Variants in LYRM4 observed in about 807,000 individuals in gnomAD.
LYRM4 encodes LYR motif containing 4, also known as LYR motif-containing protein 4.
Under a neutral mutation model 11.7 loss-of-function variants are expected in LYRM4, and 9 were observed. That is an observed-to-expected ratio of 0.77 (90% CI 0.46 to 1.34). The LOEUF is 1.34. Ranked by LOEUF, LYRM4 falls within the 40% of genes most tolerant of loss-of-function variation. The probability of loss-of-function intolerance (pLI) is 0.00; values close to 1 mark genes in which losing one functional copy is unlikely to be tolerated. For missense variants in LYRM4, 133 were observed against 112.5 expected (o/e 1.18, Z -0.82); for synonymous variants, 42 against 40.4 (o/e 1.04, Z -0.15).
intron 2 of LYRM4, among the ~76,000 whole-genome samples, chr6:5,178,114 T>C (rs373198273): frequency 5.3e-5 from 8 of 152,314 alleles, no homozygotes; most frequent in East Asian, 3.9e-4. Context: ...CCCTGGTGTC[T>C]AGCAGAACAC....
chr6:5,035,051 T>C, the LYRM4 span, among the ~76,000 whole-genome samples: 38 of 152,112 alleles, frequency 2.5e-4, no homozygotes, highest in Admixed American at 2.4e-3. Flanking sequence ...TACTAGGATG[T>C]TGATAAACAA....
the LYRM4 span, among the ~76,000 whole-genome samples, chr6:5,037,936 G>A: frequency 1.9e-4 from 11 of 56,614 alleles, 4 homozygotes; most frequent in Admixed American, 9.3e-4. Flanking sequence ...CTGGCCGGGC[G>A]GGGGGCTGAC....
chr6:5,164,337 G>C (rs572799438), intron 2 of LYRM4, among the ~76,000 whole-genome samples: 5 of 152,206 alleles, frequency 3.3e-5, no homozygotes. Flanking sequence ...ATAGTAAAAA[G>C]AATGAATACA....
intron 2 of LYRM4, among the ~76,000 whole-genome samples, chr6:5,138,168 T>G (rs1757196487): frequency 6.6e-6 from 1 of 152,096 alleles, no homozygotes; most frequent in Admixed American, 6.6e-5. Context: ...AGAAGACATT[T>G]CTGCCAAGAT....
At chr6:5,136,099 G>A (rs2127618256) in intron 2 of LYRM4, 1 of 174,248 alleles carries the variant, frequency 5.7e-6, no homozygotes, top group South Asian at 1.9e-4. Flanking sequence ...CTTTAGGGCT[G>A]AGTAACATTC....
At chr6:5,220,348 G>A (rs1304346688) in intron 1 of LYRM4, among the ~76,000 whole-genome samples, 5 of 152,148 alleles carry the variant, frequency 3.3e-5, no homozygotes, top group Admixed American at 3.3e-4. Flanking sequence ...ACCACCTAAT[G>A]TAATGCCTTT....
intron 1 of LYRM4, among the ~76,000 whole-genome samples, chr6:5,237,775 C>T (rs962605324): frequency 6.6e-5 from 10 of 152,178 alleles, no homozygotes; most frequent in African/African-American, 2.4e-4. Flanking sequence ...AAATGCTTTC[C>T]TACTGTGGCC....
the LYRM4 span, among the ~76,000 whole-genome samples, chr6:5,082,502 A>C: frequency 1.3e-5 from 2 of 151,330 alleles, no homozygotes; most frequent in Non-Finnish European, 2.9e-5. Flanking sequence ...CCCTGCACCT[A>C]CCCCCACTTG....
At chr6:5,138,444 C>T (rs1413256963) in intron 2 of LYRM4, among the ~76,000 whole-genome samples, 1 of 129,516 alleles carries the variant, frequency 7.7e-6, no homozygotes, top group African/African-American at 2.9e-5. Flanking sequence ...GTAATCATGC[C>T]AACTGTACTT....
At chr6:5,137,908 C>A (rs973830675) in intron 2 of LYRM4, among the ~76,000 whole-genome samples, 1 of 152,166 alleles carries the variant, frequency 6.6e-6, no homozygotes, top group Non-Finnish European at 1.5e-5. Flanking sequence ...AGCATTCATC[C>A]TGCCATTTTT....
chr6:5,051,740 G>T, the LYRM4 span, among the ~76,000 whole-genome samples: 3 of 152,108 alleles, frequency 2.0e-5, no homozygotes, highest in East Asian at 5.8e-4. Flanking sequence ...AATGAAAAAA[G>T]AAGTTTATTT....
rs562018723 is a variant in LYRM4, at chr6:5,161,729, T to C, written c.208-52238A>G. Among the ~76,000 whole-genome samples, 5 of 152,356 alleles carry C rather than the reference T, an allele frequency of 3.3e-5. No homozygotes were observed. The South Asian group carries it at 8.3e-4, about 25-fold the overall frequency. On this transcript the variant is annotated intron_variant, in intron 2 of 2. Transcript: ENST00000330636. Reference sequence around the variant, plus strand: ...TCATTGGAGGAGGCTGTTGGAGCCCTGTGCTTTCACAGTATTGACATACTT... The same window carrying C: ...TCATTGGAGGAGGCTGTTGGAGCCCCGTGCTTTCACAGTATTGACATACTT...
the LYRM4 span, among the ~76,000 whole-genome samples, chr6:5,053,204 C>T: frequency 6.6e-6 from 1 of 152,072 alleles, no homozygotes; most frequent in African/African-American, 2.4e-5. Context: ...TCTGTTTCCA[C>T]CAGAATGGGT....
the LYRM4 span, among the ~76,000 whole-genome samples, chr6:5,074,373 G>A: frequency 6.8e-6 from 1 of 146,394 alleles, no homozygotes; most frequent in Non-Finnish European, 1.5e-5. Flanking sequence ...TTTTGATAAT[G>A]AGATGGGGAG....
intron 1 of LYRM4, among the ~76,000 whole-genome samples, chr6:5,249,817 AAG>A (rs1764351110): frequency 6.6e-6 from 1 of 152,218 alleles, no homozygotes; most frequent in South Asian, 2.1e-4. Flanking sequence ...GGGAAATACT[AAG>A]AGAAATGAAA....
the LYRM4 span, chr6:5,085,890 G>A: frequency 2.0e-6 from 3 of 1,531,368 alleles, no homozygotes; most frequent in Non-Finnish European, 2.6e-6. Context: ...TGCAGTTCGC[G>A]GACACGCTGG....
the LYRM4 span, among the ~76,000 whole-genome samples, chr6:5,063,671 G>T: frequency 6.6e-6 from 1 of 152,174 alleles, no homozygotes; most frequent in Non-Finnish European, 1.5e-5. Context: ...CTCCTGGTGT[G>T]TGTGGCTTCC....
intron 1 of LYRM4, among the ~76,000 whole-genome samples, chr6:5,249,388 T>C (rs1005486669): frequency 1.3e-5 from 2 of 152,200 alleles, no homozygotes; most frequent in Non-Finnish European, 2.9e-5. Context: ...TCAAAGTAGT[T>C]CAGGAGTCAC....
intron 2 of LYRM4, among the ~76,000 whole-genome samples, chr6:5,215,015 A>G (rs142200184): frequency 2.3e-4 from 34 of 149,198 alleles, no homozygotes; most frequent in African/African-American, 5.9e-4. Context: ...ACTCACTGGG[A>G]TGTCAGATGA....
Sources: allele counts gnomAD v4.1 joint callset (sites outside exome capture counted in the v4.1 genomes callset), GRCh38; gene constraint gnomAD v4.1.1; transcripts MANE v1.5; gene names NCBI Gene and HGNC (gene_info 2026-07-23, HGNC 2026-07-21).